Variants in ZNF454 observed in about 807,000 individuals in gnomAD.
The protein encoded by ZNF454 is zinc finger protein 454.
Under a neutral mutation model 48.2 loss-of-function variants are expected in ZNF454, and 30 were observed. The ratio of observed to expected loss-of-function variants is 0.62; its 90% CI spans 0.47 to 0.84. ZNF454 has a LOEUF of 0.84. Ranked by LOEUF, ZNF454 falls within the 40% of genes least tolerant of loss-of-function variation. The pLI, the probability that ZNF454 is intolerant of heterozygous loss-of-function variation, is 0.00. For missense variants in ZNF454, 510 were observed against 623.1 expected (o/e 0.82, Z 1.93); for synonymous variants, 204 against 211.4 (o/e 0.97, Z 0.30).
Position 178,946,292 on chromosome 5 carries a change from G to T in ZNF454, c.34-67G>T, listed in dbSNP as rs1759328153. 3.2e-6 allele frequency: 5 copies of T among 1,585,860 alleles called. No homozygotes were observed. Among genetic ancestry groups the T allele is most frequent in the Admixed American group, 3.9e-5 (2 of 50,834 alleles). On this transcript the variant is annotated intron_variant, in intron 2 of 4. Transcript: ENST00000519564. This position sits in a 1 kb window ranked among gnomAD's most constrained non-coding sequence, Gnocchi z 4.5. ...GCGCACAAGCTCCTAGGGGCTGCCA[G>T]TCTCTTTTCCAGAGAACCATGTGCA... is the stretch of plus-strand genomic sequence containing the variant.
chr5:178,960,171 G>C (rs1051016539), intron 4 of ZNF454, among the ~76,000 whole-genome samples: 5 of 151,232 alleles, frequency 3.3e-5, no homozygotes, highest in Admixed American at 2.6e-4. Flanking sequence ...GTCAGGTCTT[G>C]GACTCCTAGA....
At position 178,941,372 on chromosome 5, in the gene ZNF454, G is replaced by A; in HGVS notation, c.-180G>A. The A allele has an allele frequency of 4.4e-6, 2 of 456,178 alleles. No homozygotes were observed. The allele number at this position is 456,178 out of a possible 1,614,324, so 28.3% of individuals were successfully genotyped here. ...GAGGTCGTCTGGGGAGAAGGGCGGA[G>A]GCAAAGCCGAGGAGGTGCGGGTTGT... On this transcript the variant is annotated 5_prime_UTR_variant, in exon 1 of 5. Transcript: ENST00000519564. This position sits in a 1 kb window ranked among gnomAD's most constrained non-coding sequence, Gnocchi z 5.5.
chr5:178,946,616 T>A lies in ZNF454; in HGVS notation c.160+131T>A. 8.0e-7 allele frequency: 1 copy of A among 1,254,974 alleles called. No homozygotes were observed. The allele number at this position is 1,254,974 out of a possible 1,614,324, so 77.7% of individuals were successfully genotyped here. On this transcript the variant is annotated intron_variant, in intron 3 of 4. Coordinates refer to ENST00000519564, the MANE Select transcript of ZNF454 (RefSeq NM_001178089.3). The surrounding 1 kb of genome is among the most constrained non-coding windows in gnomAD (Gnocchi z 4.5). ...CTTCAAGGGTGCCATTAATTTTACC[T>A]GTCCTTGGTGTCCTGGGCACAGGCC...
intron 1 of ZNF454, among the ~76,000 whole-genome samples, chr5:178,942,274 C>G (rs1466019555): frequency 6.6e-6 from 1 of 152,088 alleles, no homozygotes; most frequent in Non-Finnish European, 1.5e-5. Flanking sequence ...GGCGTGGTGG[C>G]GGGTGCGTGT....
At chr5:178,970,360 A>G (rs1035347515), downstream of ZNF454, among the ~76,000 whole-genome samples, 26 of 151,920 alleles carry the variant, frequency 1.7e-4, no homozygotes, top group African/African-American at 5.3e-4. Flanking sequence ...CTTGCTAAAT[A>G]TATCTTTGGC....
chr5:178,981,449 G>GGA, the ZNF454 span: 1 of 583,694 alleles, frequency 1.7e-6, no homozygotes, highest in South Asian at 2.0e-5. This position sits in a 1 kb window ranked among gnomAD's most constrained non-coding sequence, Gnocchi z 5.1. Context: ...TCTGGTCTGT[G>GGA]GTGAGGAAGC....
rs897958705 is a variant in ZNF454 at position 178,941,205 on chromosome 5, G to C, written c.-347G>C. On this transcript the variant is annotated 5_prime_UTR_variant, in exon 1 of 5. Transcript: ENST00000519564. This position sits in a 1 kb window ranked among gnomAD's most constrained non-coding sequence, Gnocchi z 5.5. ...AACGCGCAAGCGCAGTTCGGCTCCC[G>C]GCTGCAGACTCCAGCTCATTGTGTT... 2.2e-5 allele frequency: 8 copies of C among 356,594 alleles called. No individual in the cohort carries two copies. The highest frequency in any genetic ancestry group is 1.5e-4 in the African/African-American group (7 of 46,770). 22.1% of individuals were successfully genotyped at this position (356,594 alleles called of 1,614,324 possible).
intron 4 of ZNF454, among the ~76,000 whole-genome samples, chr5:178,955,314 C>T (rs1759704824): frequency 6.6e-6 from 1 of 152,148 alleles, no homozygotes; most frequent in African/African-American, 2.4e-5. Flanking sequence ...CTTTCACCAT[C>T]AGTATGATGT....
downstream of ZNF454, among the ~76,000 whole-genome samples, chr5:178,969,979 C>T (rs1477310354): frequency 6.6e-6 from 1 of 152,200 alleles, no homozygotes; most frequent in Non-Finnish European, 1.5e-5. Flanking sequence ...TTTCTCCCTG[C>T]CTGCCTGTTT....
At chr5:178,985,751 T>C in the ZNF454 span, 1 of 446,918 alleles carries the variant, frequency 2.2e-6, no homozygotes, top group Non-Finnish European at 4.4e-6. Context: ...AAAGAGTGAC[T>C]CTAAAAACGG....
intron 4 of ZNF454, among the ~76,000 whole-genome samples, chr5:178,947,383 A>T (rs770255494): frequency 6.6e-6 from 1 of 152,202 alleles, no homozygotes; most frequent in Non-Finnish European, 1.5e-5. Context: ...AGAGCCAGTT[A>T]TCATGTGCCC....
At chr5:178,962,265 G>GT (rs1760032483) in intron 4 of ZNF454, among the ~76,000 whole-genome samples, 1 of 151,544 alleles carries the variant, frequency 6.6e-6, no homozygotes, top group African/African-American at 2.4e-5. Flanking sequence ...TTCAAAGGTA[G>GT]TGTATCATTT....
chr5:178,942,113 A>G (rs1042769333), intron 1 of ZNF454, among the ~76,000 whole-genome samples: 9 of 152,006 alleles, frequency 5.9e-5, no homozygotes, highest in Non-Finnish European at 1.3e-4. Context: ...TGTTAAAGAG[A>G]TAATTCTCGG....
the ZNF454 span, among the ~76,000 whole-genome samples, chr5:178,974,253 T>G: frequency 6.6e-6 from 1 of 152,150 alleles, no homozygotes; most frequent in Non-Finnish European, 1.5e-5. Flanking sequence ...CTTTTAGGTT[T>G]TCTTTAGTCA....
At chr5:178,981,834 C>A in the ZNF454 span, 1 of 1,612,170 alleles carries the variant, frequency 6.2e-7, no homozygotes, top group Non-Finnish European at 8.5e-7. This position sits in a 1 kb window ranked among gnomAD's most constrained non-coding sequence, Gnocchi z 5.1. Context: ...ACACGGTTAG[C>A]GTGGTTGTCT....
At chr5:178,988,037 G>A in the ZNF454 span, among the ~76,000 whole-genome samples, 3 of 152,148 alleles carry the variant, frequency 2.0e-5, no homozygotes, top group African/African-American at 7.2e-5. The surrounding 1 kb of genome is among the most constrained non-coding windows in gnomAD (Gnocchi z 6.0). Context: ...TCAGATTACA[G>A]GAGTGAGCCA....
At chr5:178,988,502 C>T in the ZNF454 span, among the ~76,000 whole-genome samples, 1 of 152,180 alleles carries the variant, frequency 6.6e-6, no homozygotes, top group Non-Finnish European at 1.5e-5. This position sits in a 1 kb window ranked among gnomAD's most constrained non-coding sequence, Gnocchi z 6.0. Flanking sequence ...AGCCTGGTGC[C>T]AAGGGACAGG....
the ZNF454 span, among the ~76,000 whole-genome samples, chr5:178,973,729 G>A: frequency 6.6e-6 from 1 of 151,820 alleles, no homozygotes; most frequent in Non-Finnish European, 1.5e-5. Flanking sequence ...TGTAGTCCCA[G>A]CTACTCGGGA....
At chr5:178,969,040 A>C (rs1259779169), downstream of ZNF454, 1 of 370,478 alleles carries the variant, frequency 2.7e-6, no homozygotes, top group Non-Finnish European at 5.3e-6. Context: ...TGGAAAGGCA[A>C]AAAGTACGTC....
Sources: gnomAD v4.1 joint callset for allele counts (sites outside exome capture counted in the v4.1 genomes callset) on GRCh38, gnomAD v4.1.1 for gene constraint, Gnocchi (gnomAD v3.1) non-coding constraint, MANE v1.5 for transcripts, NCBI Gene and HGNC (gene_info 2026-07-23, HGNC 2026-07-21) for gene names.